Variants in HTR4 observed in about 807,000 individuals in gnomAD.
The protein encoded by HTR4 is 5-hydroxytryptamine (serotonin) receptor 4, G protein-coupled.
Under a neutral mutation model 36.8 loss-of-function variants are expected in HTR4, and 16 were observed. The observed-to-expected ratio is 0.43, with a 90% CI of 0.29 to 0.66. HTR4 has a LOEUF of 0.66. Ranked by LOEUF, HTR4 falls within the 30% of genes least tolerant of loss-of-function variation. HTR4 has a pLI of 0.13. For synonymous variants in HTR4, 189 were observed against 185.1 expected (o/e 1.02, Z -0.17); for missense variants, 438 against 490.9 (o/e 0.89, Z 1.02).
At chr5:148,573,502 AGT>A (rs914608510) in intron 2 of HTR4, among the ~76,000 whole-genome samples, 8 of 152,174 alleles carry the variant, frequency 5.3e-5, no homozygotes, top group Non-Finnish European at 1.0e-4. Context: ...GGGGGGTTAA[AGT>A]GTGTGTGTCA....
At chr5:148,608,993 A>G (rs1040428459) in intron 2 of HTR4, among the ~76,000 whole-genome samples, 1 of 152,206 alleles carries the variant, frequency 6.6e-6, no homozygotes. Context: ...CTTACAACAG[A>G]CAAGGGACTG....
intron 2 of HTR4, among the ~76,000 whole-genome samples, chr5:148,555,722 G>A (rs934559802): frequency 5.9e-5 from 9 of 151,750 alleles, no homozygotes; most frequent in Admixed American, 3.9e-4. Context: ...TGCTTTCTCC[G>A]TGATCTTTTG....
intron 5 of HTR4, among the ~76,000 whole-genome samples, chr5:148,468,475 A>T (rs114571359): frequency 1.1e-4 from 16 of 152,298 alleles, no homozygotes; most frequent in Non-Finnish European, 1.6e-4. Flanking sequence ...GGAAGAACTG[A>T]ATCTATCCCA....
intron 5 of HTR4, among the ~76,000 whole-genome samples, chr5:148,515,726 A>G (rs1217123630): frequency 6.6e-6 from 1 of 151,320 alleles, no homozygotes; most frequent in Admixed American, 6.6e-5. Flanking sequence ...TTCTCTAATT[A>G]CTTTTGAGAT....
At chr5:148,557,412 TG>T (rs1760000436) in intron 2 of HTR4, among the ~76,000 whole-genome samples, 1 of 152,196 alleles carries the variant, frequency 6.6e-6, no homozygotes, top group South Asian at 2.1e-4. Flanking sequence ...TTTAATGAGA[TG>T]GGTGAAACAC....
intron 6 of HTR4, among the ~76,000 whole-genome samples, chr5:148,508,478 G>GA (rs979101997): frequency 6.6e-6 from 1 of 151,922 alleles, no homozygotes; most frequent in Non-Finnish European, 1.5e-5. Context: ...TGACCTTGGG[G>GA]AAAAAAAATC....
intron 5 of HTR4, among the ~76,000 whole-genome samples, chr5:148,464,841 A>C (rs374261499): frequency 6.6e-6 from 1 of 152,200 alleles, no homozygotes; most frequent in Non-Finnish European, 1.5e-5. Flanking sequence ...AATTTTTAGT[A>C]GGTGAATGGA....
At chr5:148,456,054 G>A (rs987713819) in intron 5 of HTR4, among the ~76,000 whole-genome samples, 1 of 152,062 alleles carries the variant, frequency 6.6e-6, no homozygotes, top group Admixed American at 6.6e-5. Context: ...CAACATTTGA[G>A]TGGTTCCTCT....
intron 2 of HTR4, among the ~76,000 whole-genome samples, chr5:148,601,221 C>G (rs1024936025): frequency 6.6e-6 from 1 of 151,662 alleles, no homozygotes; most frequent in Non-Finnish European, 1.5e-5. Flanking sequence ...GAAAAGGAAC[C>G]CCTACTACAC....
chr5:148,617,721 C>T (rs952989523), intron 2 of HTR4, among the ~76,000 whole-genome samples: 3 of 152,114 alleles, frequency 2.0e-5, no homozygotes, highest in Non-Finnish European at 4.4e-5. Context: ...CCTGTCTCGG[C>T]CTCTCAAAGT....
In HTR4 at chr5:148,483,288, G is replaced by A. The variant is rs201836791; in HGVS notation, c.1082C>T (p.Ala361Val). 1.2e-6 allele frequency: 2 copies of A among 1,612,592 alleles called. No homozygotes were observed. The change falls in exon 7 of 7, where the codon GCA becomes GTA. Residue 361 changes from alanine to valine, a missense_variant. Ala to Val is a moderately conservative substitution (Grantham distance 64, BLOSUM62 0). Coordinates refer to ENST00000377888, the MANE Select transcript of HTR4 (RefSeq NM_000870.7). Reference sequence around the variant, plus strand: ...CTCCCACTGGCCACCACACTCCACTGCATCCCTAGAGAGAGGAGAAGATTA... The same window carrying A: ...CTCCCACTGGCCACCACACTCCACTACATCCCTAGAGAGAGGAGAAGATTA... The part of the protein sequence containing the change: ...INGSTHVLRD[A>V]VECGGQWESQ...
chr5:148,599,317 C>A (rs1238107288), intron 2 of HTR4, among the ~76,000 whole-genome samples: 4 of 151,866 alleles, frequency 2.6e-5, no homozygotes, highest in African/African-American at 4.8e-5. Context: ...TAAAAGTAAG[C>A]CTAGGCACAA....
chr5:148,471,585 A>T (rs1030130069), intron 5 of HTR4, among the ~76,000 whole-genome samples: 7 of 152,204 alleles, frequency 4.6e-5, no homozygotes, highest in African/African-American at 1.7e-4. Context: ...GTGCTCACAA[A>T]AATGGCACTA....
chr5:148,456,423 C>T (rs1285672465), intron 5 of HTR4, among the ~76,000 whole-genome samples: 1 of 152,012 alleles, frequency 6.6e-6, no homozygotes, highest in Non-Finnish European at 1.5e-5. Context: ...GTCTGTAGGC[C>T]CATTCATGGG....
At chr5:148,522,365 G>C (rs1758063481) in intron 5 of HTR4, among the ~76,000 whole-genome samples, 1 of 152,278 alleles carries the variant, frequency 6.6e-6, no homozygotes. Context: ...TCTAAGCAAA[G>C]TCTAAGCTTT....
At chr5:148,582,493 A>G (rs1459239053) in intron 2 of HTR4, among the ~76,000 whole-genome samples, 1 of 151,670 alleles carries the variant, frequency 6.6e-6, no homozygotes, top group Non-Finnish European at 1.5e-5. Context: ...CCCAGTGTCT[A>G]TTGCCATCTT....
intron 4 of HTR4, among the ~76,000 whole-genome samples, chr5:148,527,118 G>C (rs1156877188): frequency 6.6e-6 from 1 of 152,082 alleles, no homozygotes; most frequent in Admixed American, 6.6e-5. Context: ...TTGTATGCTT[G>C]TATCAAAATA....
intron 1 of HTR4, among the ~76,000 whole-genome samples, chr5:148,640,608 G>A (rs962524311): frequency 6.6e-6 from 1 of 152,188 alleles, no homozygotes; most frequent in Non-Finnish European, 1.5e-5. Context: ...TTAAGATCCA[G>A]CAGTGTCTTA....
At chr5:148,520,940 C>A (rs143789238) in intron 5 of HTR4, 1 of 1,367,774 alleles carries the variant, frequency 7.3e-7, no homozygotes. Flanking sequence ...AATCCTGGCC[C>A]AGGCCTTGGT....
Sources: gnomAD v4.1 joint callset for allele counts (sites outside exome capture counted in the v4.1 genomes callset) on GRCh38, gnomAD v4.1.1 for gene constraint, MANE v1.5 for transcripts, NCBI Gene and HGNC (gene_info 2026-07-23, HGNC 2026-07-21) for gene names.